EBF2: variants seen among roughly 807,000 people sequenced by gnomAD.
The protein encoded by EBF2 is transcription factor COE2.
Under a neutral mutation model 72.8 loss-of-function variants are expected in EBF2, and 21 were observed. The observed-to-expected ratio is 0.29, with a 90% CI of 0.20 to 0.42. EBF2 has a LOEUF of 0.42. Ranked by LOEUF, EBF2 falls within the 10% of genes least tolerant of loss-of-function variation. The pLI, the probability that EBF2 is intolerant of heterozygous loss-of-function variation, is 1.00. For synonymous variants in EBF2, 299 were observed against 274.2 expected (o/e 1.09, Z -0.89); for missense variants, 637 against 731.2 (o/e 0.87, Z 1.49).
chr8:26,043,739 G>A (rs991341861), intron 1 of EBF2, among the ~76,000 whole-genome samples: 4 of 152,206 alleles, frequency 2.6e-5, no homozygotes, highest in Non-Finnish European at 5.9e-5. Context: ...TTAAATGTGG[G>A]TGGCCAGGAG....
intron 6 of EBF2, among the ~76,000 whole-genome samples, chr8:25,943,311 C>CAAAAG (rs1803710087): frequency 4.4e-4 from 26 of 59,088 alleles, no homozygotes; most frequent in South Asian, 2.0e-3. Flanking sequence ...TGTCTCTACA[C>CAAAAG]AAAAAAAAAA....
chr8:25,858,238 G>C, intron 14 of EBF2, 81 bp downstream of exon 14: 2 of 1,533,656 alleles, frequency 1.3e-6, no homozygotes, highest in Non-Finnish European at 1.8e-6. Context: ...ATTTACAAAT[G>C]CAACTTTCTC....
chr8:25,915,319 A>G (rs750369167), intron 6 of EBF2, among the ~76,000 whole-genome samples: 27 of 151,938 alleles, frequency 1.8e-4, no homozygotes, highest in Non-Finnish European at 1.0e-4. Flanking sequence ...GCCACGCGGC[A>G]CTGTTTCACA....
chr8:25,984,614 G>C (rs367906428), intron 6 of EBF2, among the ~76,000 whole-genome samples: 1 of 152,048 alleles, frequency 6.6e-6, no homozygotes, highest in Non-Finnish European at 1.5e-5. Context: ...ACCGGGAGGC[G>C]GAGGTTGCAA....
chr8:25,945,036 C>A (rs550766436), intron 6 of EBF2, among the ~76,000 whole-genome samples: 1 of 151,866 alleles, frequency 6.6e-6, no homozygotes, highest in Admixed American at 6.6e-5. Flanking sequence ...GGGTTTGATG[C>A]CTGCTCTTAT....
intron 11 of EBF2, 55 bp from the exon 12 acceptor site, chr8:25,861,429 C>A (rs1802211447): frequency 1.3e-6 from 2 of 1,598,928 alleles, no homozygotes. Context: ...AGATGGCAAA[C>A]AAAAGAAAAT....
chr8:25,908,548 A>G lies in EBF2; in HGVS notation c.559T>C (p.Leu187=), dbSNP rs1386255714. The G allele has an allele frequency of 1.2e-6, 2 of 1,609,098 alleles. No individual in the cohort carries two copies. Among genetic ancestry groups the G allele is most frequent in the Non-Finnish European group, 1.7e-6 (2 of 1,176,008 alleles). ...SDPVIIDRFF[L]KFFLKCNQNC... is the part of the protein sequence containing the mutation. ...TGATTGCACTTGAGGAAAAATTTTA[A>G]AAAGAATCTGTGAAGAGAAAGCGAT... Residue 187 remains leucine, a synonymous_variant, in exon 7 of 16, where the codon TTA becomes CTA. Transcript: ENST00000520164.
intron 6 of EBF2, among the ~76,000 whole-genome samples, chr8:25,987,708 C>T (rs73225981): frequency 0.023 from 3,518 of 152,204 alleles, 51 homozygotes; most frequent in Middle Eastern, 0.078. Context: ...GCTTCTGTAT[C>T]GTGCTACTCT....
At chr8:26,007,361 C>T (rs1231092277) in intron 6 of EBF2, among the ~76,000 whole-genome samples, 1 of 152,162 alleles carries the variant, frequency 6.6e-6, no homozygotes, top group Admixed American at 6.5e-5. Flanking sequence ...ACGTGAATCA[C>T]TTTGGTATCG....
chr8:25,904,608 T>G (rs754095445), intron 7 of EBF2, among the ~76,000 whole-genome samples: 1 of 152,204 alleles, frequency 6.6e-6, no homozygotes, highest in Middle Eastern at 3.2e-3. Flanking sequence ...TGGCTCTAAA[T>G]GATTGTCTTT....
At chr8:25,857,950 C>G (rs1327444768) in intron 14 of EBF2, 1 of 364,240 alleles carries the variant, frequency 2.7e-6, no homozygotes, top group Non-Finnish European at 5.3e-6. Context: ...AGAAAAAGTT[C>G]TTATCGAAAA....
chr8:25,862,249 C>T lies in EBF2; in HGVS notation c.1098+460G>A, dbSNP rs369098047. On this transcript the variant is annotated intron_variant, in intron 11 of 15. Coordinates refer to ENST00000520164, the MANE Select transcript of EBF2 (RefSeq NM_022659.4). ...AAAGTAATTTTCATAAGGAAGTTCA[C>T]TTGAAAGTGATGTATTTCATAGAAA... 1.1e-4 allele frequency among the ~76,000 whole-genome samples: 16 copies of T among 152,170 alleles called. No homozygotes were observed. In the East Asian group the frequency reaches 3.1e-3, roughly 29 times the overall value.
intron 10 of EBF2, among the ~76,000 whole-genome samples, chr8:25,874,953 T>C (rs1425960090): frequency 4.7e-5 from 7 of 150,234 alleles, no homozygotes; most frequent in Non-Finnish European, 1.0e-4. Flanking sequence ...CCCAAAGTAC[T>C]GGAATTTCAG....
chr8:25,850,881 A>T, intron 14 of EBF2, 120 bp from the exon 15 acceptor site: 3 of 501,564 alleles, frequency 6.0e-6, no homozygotes, highest in Non-Finnish European at 8.5e-6. Flanking sequence ...TGCAGGGATT[A>T]AAAAAAAAAA....
rs956998457 is a variant in EBF2 at position 26,004,805 on chromosome 8, C to T, written c.551+28280G>A. Among the ~76,000 whole-genome samples the T allele has an allele frequency of 2.6e-5, 4 of 151,512 alleles. No individual in the cohort carries two copies. In the East Asian group the frequency reaches 7.8e-4, roughly 29 times the overall value. ...AAAAAAATAACAGTCCACTAAAAGG[C>T]ACCTAAACCCTTCAACTTCCAAATG... On this transcript the variant is annotated intron_variant, in intron 6 of 15. Coordinates refer to ENST00000520164, the MANE Select transcript of EBF2 (RefSeq NM_022659.4).
intron 6 of EBF2, among the ~76,000 whole-genome samples, chr8:26,020,569 T>C (rs1805188912): frequency 1.3e-5 from 2 of 151,890 alleles, no homozygotes; most frequent in South Asian, 4.2e-4. Context: ...TGCAGGGCAA[T>C]GGATAGAAAG....
intron 10 of EBF2, among the ~76,000 whole-genome samples, chr8:25,879,365 A>T (rs929916389): frequency 3.9e-5 from 6 of 152,336 alleles, no homozygotes; most frequent in African/African-American, 1.4e-4. Flanking sequence ...AACTCCCATG[A>T]ACGGTCTTCC....
chr8:26,036,576 A>G (rs537878207), intron 5 of EBF2, among the ~76,000 whole-genome samples: 1 of 151,952 alleles, frequency 6.6e-6, no homozygotes, highest in African/African-American at 2.4e-5. Context: ...GTTCTCACTA[A>G]TATGTTCTAG....
intron 10 of EBF2, among the ~76,000 whole-genome samples, chr8:25,878,400 A>G (rs933622618): frequency 3.9e-5 from 6 of 152,212 alleles, no homozygotes; most frequent in African/African-American, 1.4e-4. Flanking sequence ...GGAAGAGGCC[A>G]TGGCTCTCCA....
Sources: gnomAD v4.1 joint callset for allele counts (sites outside exome capture counted in the v4.1 genomes callset) on GRCh38, gnomAD v4.1.1 for gene constraint, MANE v1.5 for transcripts, NCBI Gene and HGNC (gene_info 2026-07-23, HGNC 2026-07-21) for gene names.